Variants in GRM8 observed in about 807,000 individuals in gnomAD.
The protein encoded by GRM8 is glutamate metabotropic receptor 8.
In GRM8, 47 loss-of-function variants were observed where a neutral mutation model predicts 87.2. That is an observed-to-expected ratio of 0.54 (90% CI 0.43 to 0.69). GRM8 has a LOEUF of 0.69. GRM8 is among the 30% of genes least tolerant of loss of function. The pLI is 0.00. For synonymous variants in GRM8, 396 were observed against 404.5 expected, an observed-to-expected ratio of 0.98 and a Z score of 0.25; for missense variants, 1,019 against 1,139.2, an observed-to-expected ratio of 0.89 and a Z score of 1.52.
intron 3 of GRM8, among the ~76,000 whole-genome samples, chr7:127,071,462 C>CA (rs1284480858): frequency 6.6e-6 from 1 of 152,124 alleles, no homozygotes; most frequent in Non-Finnish European, 1.5e-5. Context: ...TCATTAGACT[C>CA]AAAGTCAAGC....
At chr7:127,048,163 G>A (rs1819124790) in intron 3 of GRM8, among the ~76,000 whole-genome samples, 1 of 152,196 alleles carries the variant, frequency 6.6e-6, no homozygotes, top group Non-Finnish European at 1.5e-5. Context: ...AGCGGGAAGG[G>A]GAGGGGAAAG....
chr7:126,545,136 G>A (rs1459607960), intron 8 of GRM8, among the ~76,000 whole-genome samples: 1 of 152,224 alleles, frequency 6.6e-6, no homozygotes, highest in African/African-American at 2.4e-5. Flanking sequence ...TTAACTCTGA[G>A]TCCACGGATG....
chr7:126,721,269 C>T (rs1207918215), intron 7 of GRM8, among the ~76,000 whole-genome samples: 1 of 152,160 alleles, frequency 6.6e-6, no homozygotes, highest in African/African-American at 2.4e-5. Flanking sequence ...AAAATCTTTT[C>T]AATTCAGACC....
chr7:127,188,465 T>C (rs904560967), intron 2 of GRM8, among the ~76,000 whole-genome samples: 2 of 152,096 alleles, frequency 1.3e-5, no homozygotes, highest in Non-Finnish European at 2.9e-5. Context: ...GGAGCACTCA[T>C]CACATAGTCT....
At position 127,181,657 on chromosome 7, in the gene GRM8, A is replaced by C. The variant is rs185650394; in HGVS notation, c.510+61038T>G. Among the ~76,000 whole-genome samples the C allele has an allele frequency of 3.2e-3, 490 of 152,234 alleles. 4 individuals carry two copies. Among genetic ancestry groups the C allele is most frequent in the African/African-American group, 0.012 (479 of 41,546 alleles). ...TGGTATAAAAATAGGCACATAGACCAGTGAAACAGGATAGAGAACCCAGAA... is the reference window on the plus strand; with the variant it reads ...TGGTATAAAAATAGGCACATAGACCCGTGAAACAGGATAGAGAACCCAGAA... On this transcript the variant is annotated intron_variant, in intron 2 of 10. Transcript: ENST00000339582.
At chr7:126,665,354 T>C (rs1156322854) in intron 7 of GRM8, among the ~76,000 whole-genome samples, 1 of 152,184 alleles carries the variant, frequency 6.6e-6, no homozygotes, top group African/African-American at 2.4e-5. Flanking sequence ...TCAACCTGGG[T>C]GCCTATCGAC....
In GRM8 at chr7:127,035,952, G is replaced by A. The variant is rs17869345; in HGVS notation, c.727+70544C>T. On this transcript the variant is annotated intron_variant, in intron 3 of 10. Coordinates refer to ENST00000339582, the MANE Select transcript of GRM8 (RefSeq NM_000845.3). ...CAGGTATTTCTCTCTTCTGACTTCC[G>A]CTGTTACTTGCCCCCAACATTTGGG... is the stretch of plus-strand genomic sequence containing the variant. Among the ~76,000 whole-genome samples, 1,475 of 152,076 alleles carry A rather than the reference G, an allele frequency of 9.7e-3. 22 individuals carry two copies. The highest frequency in any genetic ancestry group is 0.032 in the African/African-American group (1,336 of 41,454).
intron 10 of GRM8, 70 bp downstream of exon 10, chr7:126,446,056 G>A (rs759754243): frequency 1.3e-6 from 2 of 1,575,924 alleles, no homozygotes; most frequent in East Asian, 2.2e-5. Flanking sequence ...ACTAGGAGAA[G>A]AATGTTCAAC....
intron 8 of GRM8, among the ~76,000 whole-genome samples, chr7:126,539,170 G>A (rs1816230948): frequency 6.7e-6 from 1 of 149,926 alleles, no homozygotes; most frequent in Admixed American, 6.6e-5. Context: ...ATAAAATTAA[G>A]GAAAAAATTT....
At chr7:126,642,008 G>C (rs1392183467) in intron 7 of GRM8, among the ~76,000 whole-genome samples, 1 of 152,198 alleles carries the variant, frequency 6.6e-6, no homozygotes, top group African/African-American at 2.4e-5. Flanking sequence ...CTATCCCAAA[G>C]TAAATTAGAC....
intron 6 of GRM8, among the ~76,000 whole-genome samples, chr7:126,785,804 C>T (rs1820565595): frequency 6.6e-6 from 1 of 152,030 alleles, no homozygotes; most frequent in Non-Finnish European, 1.5e-5. Flanking sequence ...TGCCGCTGCA[C>T]CCTTCCTGCA....
At chr7:126,994,894 A>C (rs1382458826) in intron 3 of GRM8, among the ~76,000 whole-genome samples, 2 of 152,022 alleles carry the variant, frequency 1.3e-5, no homozygotes, top group Non-Finnish European at 2.9e-5. Context: ...ATCTTGAGAG[A>C]ATATAGGTCG....
At chr7:126,699,346 G>T (rs1400506370) in intron 7 of GRM8, among the ~76,000 whole-genome samples, 2 of 152,142 alleles carry the variant, frequency 1.3e-5, no homozygotes, top group East Asian at 3.8e-4. Context: ...ACAAAAATAA[G>T]TTTATAAGAG....
chr7:126,647,795 C>T (rs1356309122), intron 7 of GRM8, among the ~76,000 whole-genome samples: 1 of 152,126 alleles, frequency 6.6e-6, no homozygotes, highest in Non-Finnish European at 1.5e-5. Flanking sequence ...ACCATTATCT[C>T]ACAAATGCAC....
chr7:126,871,453 C>T (rs138048422), intron 6 of GRM8, among the ~76,000 whole-genome samples: 106 of 152,196 alleles, frequency 7.0e-4, no homozygotes, highest in African/African-American at 1.2e-3. Flanking sequence ...AAAATTCATA[C>T]GACATTTGTC....
chr7:126,812,358 A>G (rs1793379577), intron 6 of GRM8, among the ~76,000 whole-genome samples: 2 of 152,006 alleles, frequency 1.3e-5, no homozygotes, highest in African/African-American at 4.8e-5. Context: ...GGTATAGCTT[A>G]CTACACAACT....
chr7:127,010,482 T>C (rs1260847288), intron 3 of GRM8, among the ~76,000 whole-genome samples: 1 of 152,146 alleles, frequency 6.6e-6, no homozygotes, highest in African/African-American at 2.4e-5. Flanking sequence ...AGTAACTATA[T>C]ATAAAACCAA....
intron 3 of GRM8, among the ~76,000 whole-genome samples, chr7:127,087,282 CACAGGACTGG>C (rs1823608046): frequency 6.6e-6 from 1 of 152,188 alleles, no homozygotes; most frequent in South Asian, 2.1e-4. Context: ...AGTTTTATTA[CACAGGACTGG>C]ACATTTTAAT....
At chr7:127,015,047 A>AAGAAGAAGG (rs1815344764) in intron 3 of GRM8, among the ~76,000 whole-genome samples, 1 of 127,036 alleles carries the variant, frequency 7.9e-6, no homozygotes, top group African/African-American at 2.8e-5. Flanking sequence ...GAAGAAGAAG[A>AAGAAGAAGG]AGAAGAAGAA....
Sources: gnomAD v4.1 joint callset for allele counts (sites outside exome capture counted in the v4.1 genomes callset) on GRCh38, gnomAD v4.1.1 for gene constraint, MANE v1.5 for transcripts, NCBI Gene and HGNC (gene_info 2026-07-23, HGNC 2026-07-21) for gene names.